RBM19: variants seen among roughly 807,000 people sequenced by gnomAD.
RBM19 encodes probable RNA-binding protein 19.
A neutral mutation model predicts 116.8 loss-of-function variants in RBM19; 94 were observed. That is an observed-to-expected ratio of 0.80 (90% confidence interval 0.68 to 0.95). The LOEUF (loss-of-function observed/expected upper bound fraction) is 0.95. RBM19 is among the 40% of genes least tolerant of loss of function. The pLI, the probability that RBM19 is intolerant of heterozygous loss-of-function variation, is 0.00. For synonymous variants in RBM19, 475 were observed against 494.1 expected (o/e 0.96, Z 0.51); for missense variants, 1,161 against 1,220.7 (o/e 0.95, Z 0.73).
chr12:113,918,911 C>T (rs1882943700), intron 19 of RBM19, among the ~76,000 whole-genome samples: 1 of 152,178 alleles, frequency 6.6e-6, no homozygotes, highest in Non-Finnish European at 1.5e-5. Context: ...TTGAAAATCC[C>T]TTAAATCTCC....
At chr12:113,864,092 C>T (rs1411609272) in intron 21 of RBM19, among the ~76,000 whole-genome samples, 1 of 151,944 alleles carries the variant, frequency 6.6e-6, no homozygotes, top group African/African-American at 2.4e-5. Context: ...GAGCCCTTAC[C>T]TACCACAACA....
At chr12:113,858,313 T>C (rs544141711) in intron 22 of RBM19, among the ~76,000 whole-genome samples, 66 of 152,306 alleles carry the variant, frequency 4.3e-4, no homozygotes, top group African/African-American at 1.4e-3. Flanking sequence ...CCCTCACAGA[T>C]AACCAGCACA....
Position 113,966,192 on chromosome 12 carries a change from C to T in RBM19, c.36G>A (p.Gly12=). 2 of 1,614,238 alleles carry T rather than the reference C, an allele frequency of 1.2e-6. No homozygotes were observed. Among genetic ancestry groups the T allele is most frequent in the South Asian group, 2.2e-5 (2 of 91,088 alleles). Residue 12 remains glycine, a splice_region_variant and synonymous_variant, in exon 1 of 24, where the codon GGG becomes GGA. Coordinates refer to ENST00000261741, the MANE Select transcript of RBM19 (RefSeq NM_016196.4). ...TCCCAAGTCCTGCCTCTGCACTCACCCCATTCGGGAGATTCTTCACGATCA... is the reference window on the plus strand; with the variant it reads ...TCCCAAGTCCTGCCTCTGCACTCACTCCATTCGGGAGATTCTTCACGATCA... ...SRLIVKNLPN[G]MKEERFRQLF...
At position 113,959,213 on chromosome 12, in the gene RBM19, T is replaced by A; in HGVS notation, c.570A>T (p.Glu190Asp). 6.2e-7 allele frequency: 1 copy of A among 1,609,190 alleles called. No individual in the cohort carries two copies. The highest frequency in any genetic ancestry group is 1.1e-5 in the South Asian group (1 of 90,860). Residue 190 changes from glutamate (E) to aspartate (D), a missense_variant and splice_region_variant, in exon 5 of 24, where the codon GAA becomes GAT. Glu to Asp is a conservative substitution (Grantham distance 45, BLOSUM62 2). Coordinates refer to ENST00000261741, the MANE Select transcript of RBM19 (RefSeq NM_016196.4). ...AGCACACAGTCCCCATGCCCTCACC[T>A]TCCAGGTCCTCCCCGGCTCCCTCCT... ...SEEEGAGEDL[E>D]EEASLEPKAA...
intron 21 of RBM19, among the ~76,000 whole-genome samples, chr12:113,860,234 G>A (rs933158001): frequency 6.6e-6 from 1 of 152,212 alleles, no homozygotes; most frequent in Admixed American, 6.5e-5. Context: ...CTGGAGGGGG[G>A]CCAGGGCTGG....
chr12:113,928,643 G>GTGTGTGTGTGTT (rs1869340541), intron 16 of RBM19, among the ~76,000 whole-genome samples: 1 of 150,220 alleles, frequency 6.7e-6, no homozygotes, highest in South Asian at 2.2e-4. Context: ...GTGTGTGTGT[G>GTGTGTGTGTGTT]TGTGTGTGTG....
Position 113,915,089 on chromosome 12 carries a change from G to C in RBM19, c.2442-4C>G. On this transcript the variant is annotated splice_polypyrimidine_tract_variant and splice_region_variant and intron_variant, in intron 20 of 23. Transcript: ENST00000261741. ...CCGAGCCAATGTCACGGCTGGCCTG[G>C]AGTGGTGGGGGGAGAGGGTCCAAGT... The C allele has an allele frequency of 6.2e-7, 1 of 1,612,976 alleles. No homozygotes were observed. Among genetic ancestry groups the C allele is most frequent in the Non-Finnish European group, 8.5e-7 (1 of 1,178,938 alleles).
intron 23 of RBM19, among the ~76,000 whole-genome samples, chr12:113,844,280 C>T (rs541661311): frequency 6.6e-6 from 1 of 152,330 alleles, no homozygotes; most frequent in South Asian, 2.1e-4. Flanking sequence ...CATCCCTGCC[C>T]TGCGGACACC....
intron 21 of RBM19, among the ~76,000 whole-genome samples, chr12:113,883,947 G>C (rs1880330994): frequency 6.6e-6 from 1 of 152,172 alleles, no homozygotes; most frequent in South Asian, 2.1e-4. Flanking sequence ...AATAGAAATA[G>C]AGATAGAAGC....
intron 8 of RBM19, among the ~76,000 whole-genome samples, chr12:113,951,962 T>G (rs1012485052): frequency 5.3e-4 from 81 of 152,218 alleles, no homozygotes; most frequent in African/African-American, 1.9e-3. Flanking sequence ...AATCTCCCAG[T>G]GTCCTGGCCA....
rs113470925 is a variant in RBM19 at position 113,836,825 on chromosome 12, TAC to T, written c.2785+7841_2785+7842del. On this transcript the variant is annotated intron_variant, in intron 23 of 23. Coordinates refer to ENST00000261741, the MANE Select transcript of RBM19 (RefSeq NM_016196.4). ...CCTGTCCTCCTACTTACTACATACA[TAC>T]ACACACACACACACACGTGTCCCAA... 1.7e-3 allele frequency among the ~76,000 whole-genome samples: 175 copies of T among 105,714 alleles called. 1 individual carries two copies. Among genetic ancestry groups the T allele is most frequent in the Middle Eastern group, 5.6e-3 (1 of 180 alleles). The allele number at this position is 105,714 out of a possible 152,430, so 69.4% of individuals were successfully genotyped here. A position where few individuals can be genotyped will look rare whatever the true frequency, so the allele number is the denominator to read the frequency against.
intron 23 of RBM19, among the ~76,000 whole-genome samples, chr12:113,837,452 CA>C (rs1170552323): frequency 6.6e-6 from 1 of 152,226 alleles, no homozygotes; most frequent in Non-Finnish European, 1.5e-5. Context: ...GGCCCCTCAA[CA>C]ATCCTATTTG....
chr12:113,846,165 G>C (rs1321483027), intron 22 of RBM19, among the ~76,000 whole-genome samples: 1 of 152,244 alleles, frequency 6.6e-6, no homozygotes, highest in Admixed American at 6.5e-5. Flanking sequence ...AGCATTGGCA[G>C]TGGAGAGCAA....
rs368405747 is a variant in RBM19, at chr12:113,877,024, T to C, written c.2559-18128A>G. On this transcript the variant is annotated intron_variant, in intron 21 of 23. Transcript: ENST00000261741. ...TGCTTGCCCCTGCCTAGGTGCAAAA[T>C]ATCAAGCCACAGAGATGGCACTTGG... Among the ~76,000 whole-genome samples the C allele has an allele frequency of 7.2e-5, 11 of 152,284 alleles. No homozygotes were observed. In the South Asian group the frequency reaches 1.2e-3, roughly 17 times the overall value.
At chr12:113,870,962 CA>C (rs1879163134) in intron 21 of RBM19, among the ~76,000 whole-genome samples, 1 of 152,200 alleles carries the variant, frequency 6.6e-6, no homozygotes, top group African/African-American at 2.4e-5. Flanking sequence ...AGGGGCCCTC[CA>C]ATGGCAGCAG....
chr12:113,959,189 GCA>G, intron 5 of RBM19, 21 bp downstream of exon 5: 1 of 1,596,286 alleles, frequency 6.3e-7, no homozygotes, highest in African/African-American at 1.3e-5. Flanking sequence ...TGCGCATGGA[GCA>G]CACAGTCCCC....
At chr12:113,833,227 C>T (rs1310486562) in intron 23 of RBM19, among the ~76,000 whole-genome samples, 1 of 152,184 alleles carries the variant, frequency 6.6e-6, no homozygotes, top group Admixed American at 6.5e-5. Context: ...AAAACCTATG[C>T]ACCAGTTTTG....
chr12:113,844,334 C>A (rs1031734931), intron 23 of RBM19, among the ~76,000 whole-genome samples: 1 of 152,226 alleles, frequency 6.6e-6, no homozygotes, highest in African/African-American at 2.4e-5. Context: ...CCAACGGCCA[C>A]GAGCTGTGAC....
At chr12:113,857,148 C>T (rs542072615) in intron 22 of RBM19, among the ~76,000 whole-genome samples, 3 of 152,232 alleles carry the variant, frequency 2.0e-5, no homozygotes, top group Admixed American at 2.0e-4. Context: ...CTGCCCAATC[C>T]CCTTGGATAC....
Sources: allele counts gnomAD v4.1 joint callset (sites outside exome capture counted in the v4.1 genomes callset), GRCh38; gene constraint gnomAD v4.1.1; transcripts MANE v1.5; gene names NCBI Gene and HGNC (gene_info 2026-07-23, HGNC 2026-07-21).